Variants in BMAL1 observed in about 807,000 individuals in gnomAD.
The protein encoded by BMAL1 is basic helix-loop-helix ARNT-like protein 1.
chr11:13,359,514 TATTAA>T, the BMAL1 span, among the ~76,000 whole-genome samples: 1 of 152,242 alleles, frequency 6.6e-6, no homozygotes, highest in Non-Finnish European at 1.5e-5. Flanking sequence ...AACTAATTTC[TATTAA>T]ATTGGAAAAA....
At chr11:13,375,821 T>C in the BMAL1 span, 1 of 1,474,112 alleles carries the variant, frequency 6.8e-7, no homozygotes, top group Non-Finnish European at 9.0e-7. Flanking sequence ...CTAGGGTTCC[T>C]CATCTGGGAA....
the BMAL1 span, among the ~76,000 whole-genome samples, chr11:13,283,643 GAGCCTAGT>G: frequency 1.3e-5 from 2 of 152,146 alleles, no homozygotes; most frequent in South Asian, 4.1e-4. Flanking sequence ...ACCATGCCAG[GAGCCTAGT>G]AGGCTGACAG....
chr11:13,309,697 C>A, the BMAL1 span, among the ~76,000 whole-genome samples: 1 of 152,062 alleles, frequency 6.6e-6, no homozygotes, highest in Non-Finnish European at 1.5e-5. Flanking sequence ...TCTTAAAAAG[C>A]CTACAGTCTA....
the BMAL1 span, among the ~76,000 whole-genome samples, chr11:13,345,605 T>C: frequency 6.6e-6 from 1 of 152,194 alleles, no homozygotes; most frequent in African/African-American, 2.4e-5. Context: ...GGAGGCAGGA[T>C]TGGCAGCAGC....
the BMAL1 span, chr11:13,356,864 C>G: frequency 6.2e-7 from 1 of 1,606,624 alleles, no homozygotes; most frequent in Non-Finnish European, 8.5e-7. Flanking sequence ...GGGGCAGCAC[C>G]CATGTCCTCA....
At chr11:13,385,192 C>CT in the BMAL1 span, among the ~76,000 whole-genome samples, 24 of 152,168 alleles carry the variant, frequency 1.6e-4, no homozygotes, top group African/African-American at 5.8e-4. Context: ...AGTAGCCTGT[C>CT]TTAACTTAAA....
chr11:13,278,798 G>A, the BMAL1 span, among the ~76,000 whole-genome samples: 1 of 152,250 alleles, frequency 6.6e-6, no homozygotes, highest in East Asian at 1.9e-4. Context: ...CTCCGGGTTT[G>A]ACAGATGTCA....
the BMAL1 span, among the ~76,000 whole-genome samples, chr11:13,283,952 C>T: frequency 2.0e-5 from 3 of 151,494 alleles, no homozygotes; most frequent in Non-Finnish European, 2.9e-5. Context: ...AACCCCACCT[C>T]CCACCCTCAT....
At chr11:13,313,904 A>G in the BMAL1 span, among the ~76,000 whole-genome samples, 1 of 39,150 alleles carries the variant, frequency 2.6e-5, no homozygotes, top group Non-Finnish European at 5.3e-5. Context: ...CCCCCACCCC[A>G]CTTTGGGTTT....
At chr11:13,320,892 G>A in the BMAL1 span, among the ~76,000 whole-genome samples, 3 of 152,176 alleles carry the variant, frequency 2.0e-5, no homozygotes, top group African/African-American at 7.2e-5. Flanking sequence ...TAGGTGGGTG[G>A]GGTGGAAAAG....
chr11:13,343,027 T>C, the BMAL1 span, among the ~76,000 whole-genome samples: 1 of 152,214 alleles, frequency 6.6e-6, no homozygotes, highest in South Asian at 2.1e-4. Flanking sequence ...CTGAGCACTT[T>C]ATATATCTCA....
At chr11:13,286,306 AT>A in the BMAL1 span, among the ~76,000 whole-genome samples, 54 of 152,056 alleles carry the variant, frequency 3.6e-4, 1 homozygote, top group Non-Finnish European at 1.0e-4. Flanking sequence ...TATAGAAGGG[AT>A]TTTTTACCTT....
chr11:13,285,643 G>A, the BMAL1 span, among the ~76,000 whole-genome samples: 4 of 152,118 alleles, frequency 2.6e-5, no homozygotes, highest in South Asian at 4.1e-4. Context: ...TATTTTTGAG[G>A]AAAGTAAAGG....
chr11:13,326,132 G>A, the BMAL1 span, among the ~76,000 whole-genome samples: 2 of 151,902 alleles, frequency 1.3e-5, no homozygotes, highest in Non-Finnish European at 2.9e-5. Context: ...GAACCCGGGA[G>A]GCAGAGGTTG....
At chr11:13,351,819 A>G in the BMAL1 span, among the ~76,000 whole-genome samples, 189 of 152,344 alleles carry the variant, frequency 1.2e-3, 1 homozygote, top group Non-Finnish European at 2.2e-3. Context: ...GGTCAACCCA[A>G]CAAGGGCTGT....
At chr11:13,337,682 T>C in the BMAL1 span, among the ~76,000 whole-genome samples, 1 of 152,214 alleles carries the variant, frequency 6.6e-6, no homozygotes, top group Non-Finnish European at 1.5e-5. Flanking sequence ...TTGACGGTTA[T>C]GAGATTGAGC....
chr11:13,288,428 T>TTTTTTTC, the BMAL1 span, among the ~76,000 whole-genome samples: 1 of 53,308 alleles, frequency 1.9e-5, no homozygotes, highest in African/African-American at 6.2e-5. Flanking sequence ...TTTTTTCTTT[T>TTTTTTTC]TTTTTTTTTT....
chr11:13,378,560 G>GT, the BMAL1 span: 29 of 1,415,818 alleles, frequency 2.0e-5, no homozygotes, highest in Non-Finnish European at 2.7e-5. Flanking sequence ...TCACAACTGG[G>GT]TGGGAGGTTG....
chr11:13,381,088 A>T, the BMAL1 span: 1 of 1,481,064 alleles, frequency 6.8e-7, no homozygotes, highest in Non-Finnish European at 9.4e-7. Context: ...CCCCTTTCTC[A>T]CCTTTACCCC....
Sources: gnomAD v4.1 joint callset for allele counts (sites outside exome capture counted in the v4.1 genomes callset) on GRCh38, gnomAD v4.1.1 for gene constraint, MANE v1.5 for transcripts, NCBI Gene and HGNC (gene_info 2026-07-23, HGNC 2026-07-21) for gene names.